Variants in CDH13 observed in about 807,000 individuals in gnomAD.
CDH13 encodes the protein cadherin-13.
In CDH13, 24 loss-of-function variants were observed where a neutral mutation model predicts 63.8. The ratio of observed to expected loss-of-function variants is 0.38; its 90% CI spans 0.27 to 0.53. CDH13 has a LOEUF of 0.53. Ranked by LOEUF, CDH13 falls within the 20% of genes least tolerant of loss-of-function variation. The pLI is 0.85. For synonymous variants in CDH13, 503 were observed against 355.3 expected, an observed-to-expected ratio of 1.42 and a Z score of -4.67; for missense variants, 1,049 against 903.1, an observed-to-expected ratio of 1.16 and a Z score of -2.07.
At chr16:83,226,549 T>A (rs527985360) in intron 5 of CDH13, among the ~76,000 whole-genome samples, 1 of 152,224 alleles carries the variant, frequency 6.6e-6, no homozygotes, top group African/African-American at 2.4e-5. Context: ...AATGAATAAA[T>A]GACAGGATGG....
intron 1 of CDH13, among the ~76,000 whole-genome samples, chr16:82,670,511 A>T (rs1310333865): frequency 1.3e-5 from 2 of 152,208 alleles, no homozygotes; most frequent in African/African-American, 4.8e-5. Flanking sequence ...GGGTAGGGTG[A>T]CCATGCACTA....
intron 1 of CDH13, among the ~76,000 whole-genome samples, chr16:82,804,600 A>G (rs1385567360): frequency 6.6e-6 from 1 of 152,184 alleles, no homozygotes. Flanking sequence ...AAAATAGTGG[A>G]TTTAATATAT....
Position 83,125,421 on chromosome 16 carries a change from A to C in CDH13, c.403A>C (p.Arg135=). ...FKFARTSPVP[R]QKRSIVVSPI... ...ATTTGCAAGAACTTCTCCTGTCCCAAGACAAAAGAGGTCCATTGTGGTATC... is the reference window on the plus strand; with the variant it reads ...ATTTGCAAGAACTTCTCCTGTCCCACGACAAAAGAGGTCCATTGTGGTATC... The change falls in exon 4 of 14, where the codon AGA becomes CGA. Residue 135 remains arginine (R), a synonymous_variant. Coordinates refer to ENST00000567109, the MANE Select transcript of CDH13 (RefSeq NM_001257.5). 6 of 1,610,112 alleles carry C rather than the reference A, an allele frequency of 3.7e-6. No individual in the cohort carries two copies. Among genetic ancestry groups the C allele is most frequent in the Non-Finnish European group, 5.1e-6 (6 of 1,176,452 alleles).
rs150093325 is a variant in CDH13 at position 83,027,998 on chromosome 16, T to C, written c.158-4012T>C. On this transcript the variant is annotated intron_variant, in intron 2 of 13. Coordinates refer to ENST00000567109, the MANE Select transcript of CDH13 (RefSeq NM_001257.5). ...GTAGGTTCTCAGTAAATATTTATGG[T>C]AGGAAGAAAGGGTGGGAAGAAGAAA... Among the ~76,000 whole-genome samples, 467 of 152,248 alleles carry C rather than the reference T, an allele frequency of 3.1e-3. 5 individuals are homozygous for C. Among genetic ancestry groups the C allele is most frequent in the Middle Eastern group, 0.031 (9 of 294 alleles).
intron 7 of CDH13, among the ~76,000 whole-genome samples, chr16:83,540,100 C>T (rs867265020): frequency 1.4e-5 from 2 of 144,630 alleles, no homozygotes; most frequent in South Asian, 4.3e-4. Flanking sequence ...GAGTCTCACT[C>T]TGTCACCAGG....
At chr16:83,067,097 A>G (rs994659456) in intron 3 of CDH13, among the ~76,000 whole-genome samples, 19 of 152,198 alleles carry the variant, frequency 1.2e-4, no homozygotes, top group African/African-American at 4.6e-4. Flanking sequence ...TAATACCATC[A>G]ATTAGGTAGT....
In CDH13 at chr16:82,641,924, G is replaced by C. The variant is rs191080159; in HGVS notation, c.45+14787G>C. ...CCATGAAGAATGAGAAAGCAGGCGAGGGGGTAGATAGCGACAGGCAGAGGT... is the reference window on the plus strand; with the variant it reads ...CCATGAAGAATGAGAAAGCAGGCGACGGGGTAGATAGCGACAGGCAGAGGT... On this transcript the variant is annotated intron_variant, in intron 1 of 13. Coordinates refer to ENST00000567109, the MANE Select transcript of CDH13 (RefSeq NM_001257.5). Among the ~76,000 whole-genome samples the C allele has an allele frequency of 1.3e-3, 205 of 151,920 alleles. 1 individual carries two copies. The highest frequency in any genetic ancestry group is 1.8e-3 in the Non-Finnish European group (123 of 67,834).
rs1259613406 is a variant in CDH13, at chr16:83,032,208, G to T, written c.356G>T (p.Gly119Val). The change falls in exon 3 of 14, where the codon GGC (glycine) becomes GTC (valine). Residue 119 changes from glycine (G) to valine (V), a missense_variant. Gly to Val is a moderately radical substitution (Grantham distance 109). Transcript: ENST00000567109. ...LVIVGGKDIQ[G>V]SLQDIFKFAR... ...ATTGTCGGGGGGAAAGACATCCAGG[G>T]CTCCTTGCAGGTAACACATCTGTTT... 2 of 1,612,878 alleles carry T rather than the reference G, an allele frequency of 1.2e-6. No homozygotes were observed. The highest frequency in any genetic ancestry group is 2.7e-5 in the African/African-American group (2 of 74,888).
chr16:82,917,581 G>T (rs943768902), intron 2 of CDH13, among the ~76,000 whole-genome samples: 1 of 152,126 alleles, frequency 6.6e-6, no homozygotes, highest in Non-Finnish European at 1.5e-5. Context: ...AGCGTATTGT[G>T]ACAAAATGTG....
intron 2 of CDH13, among the ~76,000 whole-genome samples, chr16:82,869,611 G>T (rs1379605235): frequency 1.3e-5 from 2 of 152,156 alleles, no homozygotes; most frequent in Non-Finnish European, 2.9e-5. Context: ...AACTAAAACA[G>T]TGTGATACTG....
At chr16:82,804,824 A>G (rs982851593) in intron 1 of CDH13, among the ~76,000 whole-genome samples, 2 of 152,224 alleles carry the variant, frequency 1.3e-5, no homozygotes, top group African/African-American at 2.4e-5. Context: ...CTGTATATAA[A>G]TTGTAAAACA....
chr16:83,156,614 G>A (rs1224088900), intron 4 of CDH13, among the ~76,000 whole-genome samples: 1 of 152,110 alleles, frequency 6.6e-6, no homozygotes, highest in Non-Finnish European at 1.5e-5. Context: ...GGCACCATGG[G>A]CAGCTAACAA....
At chr16:82,929,192 C>T (rs984102517) in intron 2 of CDH13, among the ~76,000 whole-genome samples, 1 of 152,040 alleles carries the variant, frequency 6.6e-6, no homozygotes, top group African/African-American at 2.4e-5. Flanking sequence ...TTTGTGCTCC[C>T]CAGAATTCAT....
In CDH13 at chr16:83,010,135, CAAAAAAAAA is replaced by C. The variant is rs67985333; in HGVS notation, c.158-21856_158-21848del. Among the ~76,000 whole-genome samples the C allele has an allele frequency of 8.9e-3, 447 of 50,098 alleles. 7 individuals are homozygous for C. Among genetic ancestry groups the C allele is most frequent in the South Asian group, 0.083 (82 of 992 alleles). 32.9% of individuals were successfully genotyped at this position (50,098 alleles called of 152,430 possible). A position where few individuals can be genotyped will look rare whatever the true frequency, so the allele number is the denominator to read the frequency against. On this transcript the variant is annotated intron_variant, in intron 2 of 13. Transcript: ENST00000567109. ...GGGCAACAAGAGCAAAACTCTGTCT[CAAAAAAAAA>C]AAAAAAAAAAAAAAAAAACAAGAAT...
chr16:83,777,732 C>A (rs1785622999), intron 11 of CDH13, among the ~76,000 whole-genome samples: 1 of 152,200 alleles, frequency 6.6e-6, no homozygotes, highest in Non-Finnish European at 1.5e-5. Context: ...TCCTGTATGC[C>A]AACTTCAAAT....
chr16:83,048,117 A>G (rs976130803), intron 3 of CDH13, among the ~76,000 whole-genome samples: 1 of 152,248 alleles, frequency 6.6e-6, no homozygotes, highest in Non-Finnish European at 1.5e-5. Flanking sequence ...GTCCTGGAGA[A>G]TGATTTCCGC....
Position 82,644,841 on chromosome 16 carries a change from C to T in CDH13, c.45+17704C>T, listed in dbSNP as rs1032120366. 7.2e-5 allele frequency among the ~76,000 whole-genome samples: 11 copies of T among 152,102 alleles called. No homozygotes were observed. Among genetic ancestry groups the T allele is most frequent in the African/African-American group, 2.4e-4 (10 of 41,406 alleles). ...CTCCCTGGTCAGTTTTCCAGCATAG[C>T]GTTTTGCAAAATGTGTTCTGAAGAG... On this transcript the variant is annotated intron_variant, in intron 1 of 13. Transcript: ENST00000567109. This position sits in a 1 kb window ranked among gnomAD's most constrained non-coding sequence, Gnocchi z 5.7.
chr16:83,201,322 T>A lies in CDH13; in HGVS notation c.484-16023T>A, dbSNP rs577761861. On this transcript the variant is annotated intron_variant, in intron 4 of 13. Transcript: ENST00000567109. ...TAAATAGAGACAACAGATATAAATA[T>A]GTCAGGAAGTATGTCAGGTACTGAG... Among the ~76,000 whole-genome samples the A allele has an allele frequency of 2.0e-5, 3 of 152,222 alleles. No individual in the cohort carries two copies. The South Asian group carries it at 6.2e-4, about 32-fold the overall frequency.
intron 8 of CDH13, among the ~76,000 whole-genome samples, chr16:83,649,563 G>A (rs1371489613): frequency 6.6e-6 from 1 of 152,146 alleles, no homozygotes; most frequent in Non-Finnish European, 1.5e-5. Flanking sequence ...AGGGAAGGAG[G>A]GCAGGAAGGG....
Sources: allele counts gnomAD v4.1 joint callset (sites outside exome capture counted in the v4.1 genomes callset), GRCh38; gene constraint gnomAD v4.1.1; non-coding constraint Gnocchi (gnomAD v3.1); transcripts MANE v1.5; gene names NCBI Gene and HGNC (gene_info 2026-07-23, HGNC 2026-07-21).